LILRB1: variants seen among roughly 807,000 people sequenced by gnomAD.
LILRB1 encodes leukocyte immunoglobulin like receptor B1.
LILRB1 carries 59 observed loss-of-function variants against 74.6 expected under a neutral mutation model. That is an observed-to-expected ratio of 0.79 (90% CI 0.64 to 0.98). The LOEUF is 0.98. Among genes scored for constraint, LILRB1 ranks in the 50% least tolerant of loss-of-function variants. LILRB1 has a pLI of 0.00. For synonymous variants in LILRB1, 328 were observed against 333.9 expected, an observed-to-expected ratio of 0.98 and a Z score of 0.19; for missense variants, 804 against 822.6, an observed-to-expected ratio of 0.98 and a Z score of 0.28.
intron 5 of LILRB1, 30 bp downstream of exon 5, chr19:54,632,267 C>T: frequency 6.3e-7 from 1 of 1,598,304 alleles, no homozygotes; most frequent in Non-Finnish European, 8.5e-7. Context: ...GCCTGGAGTT[C>T]CCTGAGTCTC....
chr19:54,620,667 C>T (rs1043706860), intron 1 of LILRB1, among the ~76,000 whole-genome samples: 2 of 152,040 alleles, frequency 1.3e-5, no homozygotes, highest in African/African-American at 4.8e-5. Context: ...GCCAACTCTC[C>T]CTATAAAACA....
chr19:54,627,230 T>C (rs1775546957), upstream of LILRB1, among the ~76,000 whole-genome samples: 1 of 152,218 alleles, frequency 6.6e-6, no homozygotes, highest in Non-Finnish European at 1.5e-5. Context: ...CTTTAGGTTG[T>C]TTTTAGAAAA....
In LILRB1 at chr19:54,635,961, G is replaced by T. The variant is rs566929681; in HGVS notation, c.1653+352G>T. 368 of 574,536 alleles carry T rather than the reference G, an allele frequency of 6.4e-4. 2 individuals carry two copies. The African/African-American group carries it at 6.5e-3, about 10-fold the overall frequency. The allele number at this position is 574,536 out of a possible 1,614,324, so 35.6% of individuals were successfully genotyped here. On this transcript the variant is annotated intron_variant, in intron 13 of 14. Coordinates refer to ENST00000324602, the MANE Select transcript of LILRB1 (RefSeq NM_001081637.3). ...TCCCAGGGAGCTCACTGTGGATGGG[G>T]CTCCCCATGGGAGCTGCAGACACAG...
chr19:54,636,509 G>A lies in LILRB1; in HGVS notation c.1669G>A (p.Glu557Lys), dbSNP rs202036981. 2.9e-4 allele frequency: 463 copies of A among 1,611,270 alleles called. 1 individual carries two copies. The highest frequency in any genetic ancestry group is 3.8e-4 in the Non-Finnish European group (444 of 1,179,690). Residue 557 changes from glutamate (E) to lysine (K), a missense_variant, in exon 14 of 15, where the codon GAA (glutamate) becomes AAA (lysine). Glu to Lys is a moderately conservative substitution (Grantham distance 56). Coordinates refer to ENST00000324602, the MANE Select transcript of LILRB1 (RefSeq NM_001081637.3). ...EMDTRQSPHD[E>K]DPQAVTYAEV... ...CTCTCTCCAGCAGAGCCCACACGAT[G>A]AAGACCCCCAGGCAGTGACGTATGC...
chr19:54,634,988 A>G lies in LILRB1; in HGVS notation c.1487-116A>G. The G allele has an allele frequency of 1.3e-5, 18 of 1,436,102 alleles. 1 individual carries two copies. In the South Asian group the frequency reaches 1.9e-4, roughly 15 times the overall value. 89.0% of individuals were successfully genotyped at this position (1,436,102 alleles called of 1,614,324 possible). On this transcript the variant is annotated intron_variant, in intron 10 of 14. Transcript: ENST00000324602. ...TCGGGCTCTGTCCATCCTATGAGGC[A>G]TTTGGAACATGGAGGCAGGAGTGTT...
rs1323571429 is a variant in LILRB1 at position 54,636,731 on chromosome 19, G to A, written c.1813-1G>A. The stretch of plus-strand genomic sequence containing the variant: ...TTCCCTCTCACTCTCCCCCGCTGCA[G>A]GCTGCTGCATCTGAAGCCCCCCAGG... On this transcript the variant is annotated splice_acceptor_variant, in intron 14 of 14. Transcript: ENST00000324602. LOFTEE classifies it high-confidence loss of function. 6.3e-7 allele frequency: 1 copy of A among 1,596,056 alleles called. No homozygotes were observed. The highest frequency in any genetic ancestry group is 8.5e-7 in the Non-Finnish European group (1 of 1,173,338).
chr19:54,630,939 C>T (rs1008998273), intron 1 of LILRB1, 87 bp from the exon 2 acceptor site: 4 of 1,607,894 alleles, frequency 2.5e-6, no homozygotes, highest in African/African-American at 1.3e-5. Context: ...GTTCCACTTC[C>T]TGTGTGGCTG....
At chr19:54,629,577 C>A (rs746271436), upstream of LILRB1, among the ~76,000 whole-genome samples, 6 of 152,202 alleles carry the variant, frequency 3.9e-5, no homozygotes, top group Non-Finnish European at 7.3e-5. Context: ...TGTCACTGGA[C>A]GGTTTGGTGC....
upstream of LILRB1, among the ~76,000 whole-genome samples, chr19:54,629,654 G>A (rs1045865841): frequency 1.2e-4 from 18 of 150,310 alleles, no homozygotes; most frequent in African/African-American, 2.2e-4. Context: ...GCTGGAGGAC[G>A]CAGCCTCCCA....
intron 1 of LILRB1, among the ~76,000 whole-genome samples, chr19:54,618,888 A>C (rs866515616): frequency 1.3e-5 from 2 of 152,236 alleles, no homozygotes; most frequent in Non-Finnish European, 2.9e-5. Flanking sequence ...GTAAACTATT[A>C]AATAAGTTTA....
chr19:54,622,616 C>G (rs2063483658), intron 1 of LILRB1, among the ~76,000 whole-genome samples: 1 of 152,192 alleles, frequency 6.6e-6, no homozygotes, highest in Non-Finnish European at 1.5e-5. Flanking sequence ...GTCATCAGCA[C>G]ACACAGATAA....
intron 1 of LILRB1, among the ~76,000 whole-genome samples, chr19:54,620,321 G>A (rs1225603292): frequency 3.3e-5 from 5 of 151,980 alleles, no homozygotes; most frequent in Admixed American, 6.6e-5. Context: ...AATCTATGTG[G>A]TAGATTGTAA....
intron 1 of LILRB1, among the ~76,000 whole-genome samples, chr19:54,621,496 G>A (rs1166409006): frequency 6.7e-6 from 1 of 148,674 alleles, no homozygotes; most frequent in Admixed American, 6.7e-5. Flanking sequence ...TCTGTTGATG[G>A]TCTTTACTCA....
intron 1 of LILRB1, among the ~76,000 whole-genome samples, chr19:54,623,347 T>C (rs1276334945): frequency 6.6e-6 from 1 of 152,210 alleles, no homozygotes; most frequent in East Asian, 1.9e-4. Flanking sequence ...TACTTGTTAT[T>C]GGTCTGTTTA....
chr19:54,629,002 C>G (rs1005644945), upstream of LILRB1, among the ~76,000 whole-genome samples: 28 of 152,212 alleles, frequency 1.8e-4, no homozygotes, highest in African/African-American at 6.8e-4. Context: ...CCTCTCCGGA[C>G]ACACTGTGGC....
intron 13 of LILRB1, chr19:54,636,130 G>T: frequency 3.5e-6 from 2 of 570,124 alleles, no homozygotes; most frequent in Non-Finnish European, 6.9e-6. Flanking sequence ...AGTGGGGCCA[G>T]TCTGAATGGA....
intron 1 of LILRB1, 74 bp from the exon 2 acceptor site, chr19:54,630,952 G>T (rs1416006851): frequency 1.2e-6 from 2 of 1,611,792 alleles, no homozygotes; most frequent in Admixed American, 3.3e-5. Flanking sequence ...TGTGGCTGCA[G>T]ATGACAGCAC....
rs1225077778 is a variant in LILRB1, at chr19:54,631,308, T to C, written c.70+2T>C. ...GCCCCCGGACCCACGTGCAGGCAGGTGAGTCTGTCCCCAGCTCTTCCAGGT... is the reference window on the plus strand; with the variant it reads ...GCCCCCGGACCCACGTGCAGGCAGGCGAGTCTGTCCCCAGCTCTTCCAGGT... On this transcript the variant is annotated splice_donor_variant, in intron 3 of 14. Transcript: ENST00000324602. LOFTEE classifies it high-confidence loss of function. The C allele has an allele frequency of 3.1e-6, 5 of 1,613,120 alleles. No individual in the cohort carries two copies. The highest frequency in any genetic ancestry group is 3.3e-5 in the Admixed American group (2 of 59,988).
chr19:54,633,158 G>A lies in LILRB1; in HGVS notation c.1101G>A (p.Trp367Ter). 1 of 1,614,228 alleles carries A rather than the reference G, an allele frequency of 6.2e-7. No individual in the cohort carries two copies. ...AGGAGGGGGCAGCTGATGACCCATG[G>A]CGTCTAAGATCAACGTACCAATCTC... Reference protein sequence around the residue: ...LTKEGAADDPWRLRSTYQSQK... With the variant: ...LTKEGAADDP The change falls in exon 7 of 15, where the codon TGG becomes TGA. Residue 367 changes from tryptophan (W) to a stop codon, truncating the protein, a stop_gained. Transcript: ENST00000324602. LOFTEE classifies it high-confidence loss of function.
Sources: allele counts gnomAD v4.1 joint callset (sites outside exome capture counted in the v4.1 genomes callset), GRCh38; gene constraint gnomAD v4.1.1; transcripts MANE v1.5; gene names NCBI Gene and HGNC (gene_info 2026-07-23, HGNC 2026-07-21).